NCOA1: variants seen among roughly 807,000 people sequenced by gnomAD.
NCOA1 encodes the protein nuclear receptor coactivator 1.
Under a neutral mutation model 150.9 loss-of-function variants are expected in NCOA1, and 35 were observed. That is an observed-to-expected ratio of 0.23 (90% CI 0.18 to 0.31). The LOEUF (loss-of-function observed/expected upper bound fraction) is 0.31, where lower values mean the gene tolerates loss of function less well. NCOA1 is among the 10% of genes least tolerant of loss of function. The pLI is 1.00. For synonymous variants in NCOA1, 590 were observed against 630.0 expected, an observed-to-expected ratio of 0.94 and a Z score of 0.95; for missense variants, 1,491 against 1,749.3, an observed-to-expected ratio of 0.85 and a Z score of 2.63.
chr2:24,712,666 A>G (rs973784722), intron 14 of NCOA1, among the ~76,000 whole-genome samples: 2 of 152,166 alleles, frequency 1.3e-5, no homozygotes, highest in Non-Finnish European at 2.9e-5. Flanking sequence ...CATAAACCAA[A>G]AAAGAAAAAA....
chr2:24,638,096 A>G (rs2148448395), intron 3 of NCOA1, among the ~76,000 whole-genome samples: 1 of 150,726 alleles, frequency 6.6e-6, no homozygotes, highest in South Asian at 2.1e-4. Context: ...CCTTCAACAA[A>G]TCTCTCTCTA....
At chr2:24,663,638 G>A (rs1671284117) in intron 5 of NCOA1, among the ~76,000 whole-genome samples, 1 of 152,170 alleles carries the variant, frequency 6.6e-6, no homozygotes, top group South Asian at 2.1e-4. Flanking sequence ...AGTAATAAAG[G>A]AAGACTTCTT....
At chr2:24,565,637 T>G (rs967901759) in intron 2 of NCOA1, among the ~76,000 whole-genome samples, 2 of 152,182 alleles carry the variant, frequency 1.3e-5, no homozygotes, top group Non-Finnish European at 2.9e-5. Flanking sequence ...GAGTTTTGCT[T>G]GGGCCCAGTG....
chr2:24,729,702 G>A lies in NCOA1; in HGVS notation c.3088G>A (p.Gly1030Ser), dbSNP rs1662893078. ...GCCTGTTCAAGTAACACCTCCCCGA[G>A]GTGCTTTTTCACCTGGCATGGGCAT... ...TMPVQVTPPR[G>S]AFSPGMGMQP... Residue 1030 changes from glycine (G) to serine (S), a missense_variant, in exon 17 of 23, where the codon GGT becomes AGT. Coordinates refer to ENST00000348332, the MANE Select transcript of NCOA1 (RefSeq NM_003743.5). 1 of 1,614,054 alleles carries A rather than the reference G, an allele frequency of 6.2e-7. No homozygotes were observed. The highest frequency in any genetic ancestry group is 1.3e-5 in the African/African-American group (1 of 74,924).
chr2:24,548,887 G>A (rs923932363), intron 1 of NCOA1, among the ~76,000 whole-genome samples: 5 of 152,138 alleles, frequency 3.3e-5, no homozygotes, highest in African/African-American at 1.2e-4. Flanking sequence ...ATGGGCTGGC[G>A]TTGAGTGCCT....
At chr2:24,718,378 A>G (rs1230536894) in intron 14 of NCOA1, among the ~76,000 whole-genome samples, 1 of 152,208 alleles carries the variant, frequency 6.6e-6, no homozygotes. Context: ...GTAAAGTGGT[A>G]TAGCAAATTT....
intron 7 of NCOA1, among the ~76,000 whole-genome samples, chr2:24,678,017 C>A (rs1671997672): frequency 6.6e-6 from 1 of 152,040 alleles, no homozygotes; most frequent in Non-Finnish European, 1.5e-5. Flanking sequence ...AGCTATTCTT[C>A]CTCATACTCC....
At chr2:24,675,424 TC>T (rs1255468927) in intron 7 of NCOA1, among the ~76,000 whole-genome samples, 1 of 152,224 alleles carries the variant, frequency 6.6e-6, no homozygotes, top group African/African-American at 2.4e-5. Context: ...ATGAGTGTAC[TC>T]CTGCTATGTT....
chr2:24,656,230 T>G (rs1000711491), intron 4 of NCOA1, among the ~76,000 whole-genome samples: 1 of 152,222 alleles, frequency 6.6e-6, no homozygotes, highest in South Asian at 2.1e-4. Flanking sequence ...AGAGAGACTT[T>G]GCCCAAGGAC....
intron 1 of NCOA1, among the ~76,000 whole-genome samples, chr2:24,508,723 TC>T (rs1206571934): frequency 6.6e-6 from 1 of 152,222 alleles, no homozygotes; most frequent in Non-Finnish European, 1.5e-5. Flanking sequence ...AACATGTTGC[TC>T]TGCCCTCTCT....
At chr2:24,539,945 G>A (rs1183899493) in intron 1 of NCOA1, among the ~76,000 whole-genome samples, 1 of 152,190 alleles carries the variant, frequency 6.6e-6, no homozygotes, top group African/African-American at 2.4e-5. Flanking sequence ...TGTGAGAACT[G>A]CATGTAGGAG....
At chr2:24,724,596 T>C (rs905979855) in intron 14 of NCOA1, among the ~76,000 whole-genome samples, 6 of 152,164 alleles carry the variant, frequency 3.9e-5, no homozygotes, top group African/African-American at 7.2e-5. Flanking sequence ...ATGAATCTTA[T>C]TTTGAAAATA....
At chr2:24,604,067 T>TG (rs1668248377) in intron 3 of NCOA1, among the ~76,000 whole-genome samples, 1 of 152,230 alleles carries the variant, frequency 6.6e-6, no homozygotes, top group South Asian at 2.1e-4. Flanking sequence ...TCAGAGTTCT[T>TG]GGGTGGCCAG....
chr2:24,548,807 G>A (rs540740252), intron 1 of NCOA1, among the ~76,000 whole-genome samples: 9 of 152,218 alleles, frequency 5.9e-5, no homozygotes, highest in Non-Finnish European at 1.0e-4. Context: ...GCGAGGGGTG[G>A]GTTCCCAAGG....
At chr2:24,577,021 T>G (rs996569866) in intron 2 of NCOA1, among the ~76,000 whole-genome samples, 3 of 152,218 alleles carry the variant, frequency 2.0e-5, no homozygotes, top group African/African-American at 7.2e-5. Context: ...TATTTACTTT[T>G]AATTTTATGA....
chr2:24,648,279 A>ATT (rs35773445), intron 4 of NCOA1, among the ~76,000 whole-genome samples: 50 of 149,006 alleles, frequency 3.4e-4, no homozygotes, highest in South Asian at 1.1e-3. Context: ...TCATATTGTG[A>ATT]TTTTTTTTTT....
intron 2 of NCOA1, among the ~76,000 whole-genome samples, chr2:24,573,764 C>T (rs1487139248): frequency 6.6e-6 from 1 of 151,974 alleles, no homozygotes; most frequent in African/African-American, 2.4e-5. Flanking sequence ...CAACTTTAAC[C>T]ATTTGGACAA....
At chr2:24,739,785 A>G (rs1663513175) in intron 18 of NCOA1, among the ~76,000 whole-genome samples, 1 of 147,564 alleles carries the variant, frequency 6.8e-6, no homozygotes. Flanking sequence ...ATGACTAAGT[A>G]GAAAAAACTC....
chr2:24,736,740 T>C (rs955739004), intron 17 of NCOA1, among the ~76,000 whole-genome samples: 1 of 152,188 alleles, frequency 6.6e-6, no homozygotes, highest in Admixed American at 6.5e-5. Flanking sequence ...AGATGTTGTG[T>C]GCATTAAGGA....
Sources: allele counts gnomAD v4.1 joint callset (sites outside exome capture counted in the v4.1 genomes callset), GRCh38; gene constraint gnomAD v4.1.1; transcripts MANE v1.5; gene names NCBI Gene and HGNC (gene_info 2026-07-23, HGNC 2026-07-21).